Variants in ATXN10 observed in about 807,000 individuals in gnomAD.
The protein encoded by ATXN10 is ataxin 10.
A neutral mutation model predicts 52.9 loss-of-function variants in ATXN10; 28 were observed. The ratio of observed to expected loss-of-function variants is 0.53; its 90% confidence interval spans 0.39 to 0.73. The LOEUF is 0.73. ATXN10 is among the 30% of genes least tolerant of loss of function. The pLI, the probability that ATXN10 is intolerant of heterozygous loss-of-function variation, is 0.00. For missense variants in ATXN10, 565 were observed against 577.0 expected (o/e 0.98, Z 0.21); for synonymous variants, 226 against 221.5 (o/e 1.02, Z -0.18).
At chr22:45,700,776 A>G (rs555169495) in intron 4 of ATXN10, among the ~76,000 whole-genome samples, 2 of 152,360 alleles carry the variant, frequency 1.3e-5, no homozygotes, top group Non-Finnish European at 2.9e-5. Flanking sequence ...AGTATGGGCA[A>G]TGAATTAAAA....
rs1203561134 is a variant in ATXN10 at position 45,820,090 on chromosome 22, T to C, written c.1237+13068T>C. On this transcript the variant is annotated intron_variant, in intron 10 of 11. Coordinates refer to ENST00000252934, the MANE Select transcript of ATXN10 (RefSeq NM_013236.4). This position sits in a 1 kb window ranked among gnomAD's most constrained non-coding sequence, Gnocchi z 4.9. ...TTTGAGATGATCATTTCTATCAGGATCAGGAAGTGTTCTATTCTCTGTACC... is the reference window on the plus strand; with the variant it reads ...TTTGAGATGATCATTTCTATCAGGACCAGGAAGTGTTCTATTCTCTGTACC... Among the ~76,000 whole-genome samples, 1 of 152,224 alleles carries C rather than the reference T, an allele frequency of 6.6e-6. No individual in the cohort carries two copies. Among genetic ancestry groups the C allele is most frequent in the African/African-American group, 2.4e-5 (1 of 41,444 alleles).
At chr22:45,675,465 A>G (rs532441812) in intron 1 of ATXN10, 2 of 152,406 alleles carry the variant, frequency 1.3e-5, no homozygotes, top group South Asian at 4.1e-4. Context: ...AGACTAGGTC[A>G]TAAAAAGCAT....
intron 5 of ATXN10, among the ~76,000 whole-genome samples, chr22:45,703,325 T>C (rs1923913221): frequency 6.6e-6 from 1 of 152,192 alleles, no homozygotes; most frequent in African/African-American, 2.4e-5. Flanking sequence ...GCTTTTAAGA[T>C]TTTTCTTTGT....
rs765013100 is a variant in ATXN10 at position 45,762,608 on chromosome 22, T to C, written c.1173+22070T>C. 3.2e-4 allele frequency among the ~76,000 whole-genome samples: 48 copies of C among 152,130 alleles called. No individual in the cohort carries two copies. Among genetic ancestry groups the C allele is most frequent in the Non-Finnish European group, 5.6e-4 (38 of 68,020 alleles). Reference sequence around the variant, plus strand: ...AAGGGAAGCTGGGCAAGAGTGTATGTGTTTAGGCCACAGGGAGAGCACAGA... The same window carrying C: ...AAGGGAAGCTGGGCAAGAGTGTATGCGTTTAGGCCACAGGGAGAGCACAGA... On this transcript the variant is annotated intron_variant, in intron 9 of 11. Transcript: ENST00000252934. This position sits in a 1 kb window ranked among gnomAD's most constrained non-coding sequence, Gnocchi z 4.3.
At chr22:45,794,510 T>C (rs1927639551) in intron 9 of ATXN10, among the ~76,000 whole-genome samples, 1 of 152,126 alleles carries the variant, frequency 6.6e-6, no homozygotes, top group African/African-American at 2.4e-5. Context: ...TTCCATTCTA[T>C]TAATGTTTAC....
chr22:45,751,977 G>A lies in ATXN10; in HGVS notation c.1173+11439G>A, dbSNP rs557733508. Among the ~76,000 whole-genome samples the A allele has an allele frequency of 3.0e-3, 452 of 150,304 alleles. 4 individuals carry two copies. Among genetic ancestry groups the A allele is most frequent in the African/African-American group, 0.011 (434 of 40,870 alleles). ...CCCCCACCCCCACGTTTTAAAAGCTGATTGCTTATCTTATTCAGGTAGAAT... is the reference window on the plus strand; with the variant it reads ...CCCCCACCCCCACGTTTTAAAAGCTAATTGCTTATCTTATTCAGGTAGAAT... On this transcript the variant is annotated intron_variant, in intron 9 of 11. Coordinates refer to ENST00000252934, the MANE Select transcript of ATXN10 (RefSeq NM_013236.4).
intron 9 of ATXN10, among the ~76,000 whole-genome samples, chr22:45,800,897 G>T (rs1313497663): frequency 6.6e-6 from 1 of 152,262 alleles, no homozygotes; most frequent in African/African-American, 2.4e-5. Context: ...GCAGGGGCGA[G>T]GTGAGCTGCA....
At position 45,705,729 on chromosome 22, in the gene ATXN10, C is replaced by T. The variant is rs867609140; in HGVS notation, c.647+2882C>T. 2.6e-5 allele frequency among the ~76,000 whole-genome samples: 4 copies of T among 152,144 alleles called. No individual in the cohort carries two copies. The highest frequency in any genetic ancestry group is 2.1e-4 in the South Asian group (1 of 4,826). On this transcript the variant is annotated intron_variant, in intron 5 of 11. Transcript: ENST00000252934. This position sits in a 1 kb window ranked among gnomAD's most constrained non-coding sequence, Gnocchi z 5.2. ...GATTACAGGCGTGAGCCACCGCGCC[C>T]GGCCTCCACTTGTTACGGGTCTATT...
rs1925145757 is a variant in ATXN10 at position 45,732,910 on chromosome 22, G to C, written c.894+3320G>C. Among the ~76,000 whole-genome samples the C allele has an allele frequency of 6.6e-6, 1 of 152,206 alleles. No homozygotes were observed. Among genetic ancestry groups the C allele is most frequent in the South Asian group, 2.1e-4 (1 of 4,836 alleles). On this transcript the variant is annotated intron_variant, in intron 7 of 11. Transcript: ENST00000252934. This position sits in a 1 kb window ranked among gnomAD's most constrained non-coding sequence, Gnocchi z 4.5. ...TCTCAATGCTATGACTGAAAAGTGAGAATGGAAACAGTTGTATTTATAGCA... is the reference window on the plus strand; with the variant it reads ...TCTCAATGCTATGACTGAAAAGTGACAATGGAAACAGTTGTATTTATAGCA...
chr22:45,725,553 G>A (rs528807493), intron 6 of ATXN10, among the ~76,000 whole-genome samples: 1 of 152,196 alleles, frequency 6.6e-6, no homozygotes, highest in Non-Finnish European at 1.5e-5. Context: ...ATCAAATCTA[G>A]GAGTCTTTCG....
chr22:45,714,584 G>A (rs1176018014), intron 5 of ATXN10, among the ~76,000 whole-genome samples: 1 of 152,074 alleles, frequency 6.6e-6, no homozygotes, highest in African/African-American at 2.4e-5. Flanking sequence ...GTCTCACTAT[G>A]TTGCCCAGGC....
intron 9 of ATXN10, among the ~76,000 whole-genome samples, chr22:45,751,761 AAAAATAATAAT>A (rs1460348795): frequency 8.5e-4 from 49 of 57,496 alleles, no homozygotes; most frequent in African/African-American, 3.2e-3. Flanking sequence ...AAAATAAAAA[AAAAATAATAAT>A]AATAATAATA....
rs138607806 is a variant in ATXN10, at chr22:45,773,844, ATGTTTGTT to A, written c.1174-33101_1174-33094del. ...ACAGAAAGAAAAAAGAAATGAACTGATGTTTGTTTGTTTGTTTGTTTTAAAAGACTCAA... is the reference window on the plus strand; with the variant it reads ...ACAGAAAGAAAAAAGAAATGAACTGATGTTTGTTTGTTTTAAAAGACTCAA... On this transcript the variant is annotated intron_variant, in intron 9 of 11. Coordinates refer to ENST00000252934, the MANE Select transcript of ATXN10 (RefSeq NM_013236.4). Among the ~76,000 whole-genome samples, 120 of 152,172 alleles carry A rather than the reference ATGTTTGTT, an allele frequency of 7.9e-4. 1 individual carries two copies. Among genetic ancestry groups the A allele is most frequent in the African/African-American group, 2.7e-3 (112 of 41,500 alleles).
chr22:45,684,419 C>T lies in ATXN10; in HGVS notation c.117-5293C>T, dbSNP rs1381242334. ...AGGGGTTGCCAGACCATGGCCAGAT[C>T]TGGCCTACTACCTGTTTTTTTTATG... On this transcript the variant is annotated intron_variant, in intron 1 of 11. Transcript: ENST00000252934. This position sits in a 1 kb window ranked among gnomAD's most constrained non-coding sequence, Gnocchi z 4.1. Among the ~76,000 whole-genome samples the T allele has an allele frequency of 6.6e-6, 1 of 152,250 alleles. No individual in the cohort carries two copies.
chr22:45,832,616 T>G (rs1929030453), intron 10 of ATXN10, among the ~76,000 whole-genome samples: 1 of 152,260 alleles, frequency 6.6e-6, no homozygotes, highest in African/African-American at 2.4e-5. Flanking sequence ...CTTACCAGTA[T>G]TGAGCATTTT....
intron 9 of ATXN10, among the ~76,000 whole-genome samples, chr22:45,771,413 C>CTT (rs908863420): frequency 2.1e-4 from 26 of 123,226 alleles, no homozygotes; most frequent in Middle Eastern, 4.2e-3. Flanking sequence ...ATGCTTGAGT[C>CTT]TTTTTTTTTT....
rs540693756 is a variant in ATXN10, at chr22:45,784,808, C to T, written c.1174-22151C>T. Among the ~76,000 whole-genome samples the T allele has an allele frequency of 1.2e-4, 19 of 152,214 alleles. No homozygotes were observed. Among genetic ancestry groups the T allele is most frequent in the Non-Finnish European group, 2.2e-4 (15 of 68,012 alleles). On this transcript the variant is annotated intron_variant, in intron 9 of 11. Transcript: ENST00000252934. This position sits in a 1 kb window ranked among gnomAD's most constrained non-coding sequence, Gnocchi z 4.2. ...CTTTATTTTTTTATTTTTTAAACAC[C>T]GTGGGCAAGCTGATCAACAGTTTCC...
At chr22:45,687,256 A>G (rs1225072816) in intron 1 of ATXN10, among the ~76,000 whole-genome samples, 1 of 152,124 alleles carries the variant, frequency 6.6e-6, no homozygotes, top group Non-Finnish European at 1.5e-5. Context: ...TCGGGAAATC[A>G]TTTTTCCCAT....
chr22:45,736,120 C>T (rs534505550), intron 7 of ATXN10, among the ~76,000 whole-genome samples: 1 of 151,940 alleles, frequency 6.6e-6, no homozygotes, highest in African/African-American at 2.4e-5. Flanking sequence ...TCTCTTCCAA[C>T]CTCTAATTTT....
Sources: gnomAD v4.1 joint callset for allele counts (sites outside exome capture counted in the v4.1 genomes callset) on GRCh38, gnomAD v4.1.1 for gene constraint, Gnocchi (gnomAD v3.1) non-coding constraint, MANE v1.5 for transcripts, NCBI Gene and HGNC (gene_info 2026-07-23, HGNC 2026-07-21) for gene names.